ITPR1: variants seen among roughly 807,000 people sequenced by gnomAD.
ITPR1 encodes inositol 1,4,5-trisphosphate receptor type 1.
In ITPR1, 96 loss-of-function variants were observed where a neutral mutation model predicts 318.4. The ratio of observed to expected loss-of-function variants is 0.30; its 90% CI spans 0.26 to 0.36. The LOEUF (loss-of-function observed/expected upper bound fraction) is 0.36. ITPR1 is among the 10% of genes least tolerant of loss of function. The pLI, the probability that ITPR1 is intolerant of heterozygous loss-of-function variation, is 1.00. For missense variants in ITPR1, 2,440 were observed against 3,460.2 expected (o/e 0.71, Z 7.40); for synonymous variants, 1,312 against 1,289.9 (o/e 1.02, Z -0.37).
At chr3:4,649,031 T>G (rs1028483717) in intron 10 of ITPR1, among the ~76,000 whole-genome samples, 56 of 152,300 alleles carry the variant, frequency 3.7e-4, no homozygotes, top group Admixed American at 3.1e-3. Flanking sequence ...CCACAGAGTT[T>G]TTTACATTCA....
At chr3:4,646,750 G>T (rs1011755907) in intron 10 of ITPR1, among the ~76,000 whole-genome samples, 3 of 152,120 alleles carry the variant, frequency 2.0e-5, no homozygotes, top group Admixed American at 6.5e-5. Flanking sequence ...GGCAATGAGA[G>T]CTTCAACTAA....
chr3:4,731,989 C>T (rs978875032), intron 42 of ITPR1, among the ~76,000 whole-genome samples: 6 of 152,212 alleles, frequency 3.9e-5, no homozygotes, highest in African/African-American at 1.4e-4. Context: ...TCTCCCTCAC[C>T]TCTCTTCATG....
intron 61 of ITPR1, among the ~76,000 whole-genome samples, chr3:4,843,200 C>T (rs2051494678): frequency 1.3e-5 from 2 of 149,936 alleles, no homozygotes; most frequent in Non-Finnish European, 3.0e-5. Context: ...GTGATGTTGA[C>T]TTAAATGACA....
intron 4 of ITPR1, among the ~76,000 whole-genome samples, chr3:4,533,674 T>G (rs1001804597): frequency 2.6e-5 from 4 of 152,202 alleles, no homozygotes; most frequent in Non-Finnish European, 4.4e-5. Flanking sequence ...TACAAAGGAA[T>G]CCATAGCCAG....
chr3:4,534,214 C>T (rs900356265), intron 4 of ITPR1, among the ~76,000 whole-genome samples: 14 of 152,212 alleles, frequency 9.2e-5, no homozygotes, highest in African/African-American at 2.2e-4. Context: ...CCCATGGCCC[C>T]GGTAGTGAAC....
In ITPR1 at chr3:4,570,764, C is replaced by T. The variant is rs554172621; in HGVS notation, c.163+49670C>T. Among the ~76,000 whole-genome samples the T allele has an allele frequency of 5.1e-4, 78 of 152,286 alleles. 1 individual carries two copies. The highest frequency in any genetic ancestry group is 8.5e-4 in the Non-Finnish European group (58 of 68,026). On this transcript the variant is annotated intron_variant, in intron 4 of 61. Coordinates refer to ENST00000649015, the MANE Select transcript of ITPR1 (RefSeq NM_001378452.1). ...GCCATTTTGGGGAGCCAAGTTGTCCCCACGTATCAGTGGTGATAAATGGAT... is the reference window on the plus strand; with the variant it reads ...GCCATTTTGGGGAGCCAAGTTGTCCTCACGTATCAGTGGTGATAAATGGAT...
intron 47 of ITPR1, among the ~76,000 whole-genome samples, chr3:4,776,078 TTTTG>T (rs1395367943): frequency 6.6e-6 from 1 of 152,082 alleles, no homozygotes; most frequent in Non-Finnish European, 1.5e-5. Flanking sequence ...GAGTATGATG[TTTTG>T]TTTGTTTGTT....
intron 4 of ITPR1, among the ~76,000 whole-genome samples, chr3:4,621,526 C>G (rs1025874350): frequency 6.6e-6 from 1 of 152,170 alleles, no homozygotes; most frequent in South Asian, 2.1e-4. Context: ...GACACAGATC[C>G]AAACCATATC....
At chr3:4,739,497 G>A (rs2043542420) in intron 44 of ITPR1, among the ~76,000 whole-genome samples, 1 of 152,182 alleles carries the variant, frequency 6.6e-6, no homozygotes, top group Non-Finnish European at 1.5e-5. Flanking sequence ...TTCTGCATCT[G>A]TGGATTCAAC....
chr3:4,660,432 C>CT (rs200064524), intron 13 of ITPR1, among the ~76,000 whole-genome samples: 33 of 145,688 alleles, frequency 2.3e-4, no homozygotes, highest in Non-Finnish European at 4.1e-4. Context: ...TATGATGGTT[C>CT]TTTTTTTTTT....
At chr3:4,685,247 G>A (rs775045846) in intron 30 of ITPR1, 41 bp downstream of exon 30, 2 of 1,549,430 alleles carry the variant, frequency 1.3e-6, no homozygotes, top group South Asian at 2.4e-5. Flanking sequence ...CTCAGGATGG[G>A]GCGGATCCCT....
chr3:4,806,423 G>C (rs2048557896), intron 55 of ITPR1, among the ~76,000 whole-genome samples, 156 bp downstream of exon 55: 1 of 152,198 alleles, frequency 6.6e-6, no homozygotes, highest in African/African-American at 2.4e-5. Context: ...GGGGATCTGA[G>C]AGGAAAGCTC....
chr3:4,754,273 C>T (rs2044785041), intron 44 of ITPR1, among the ~76,000 whole-genome samples: 1 of 152,156 alleles, frequency 6.6e-6, no homozygotes, highest in Admixed American at 6.5e-5. Flanking sequence ...AGATTGCCAC[C>T]CCCATGGAGG....
chr3:4,715,151 A>G (rs2041675066), intron 39 of ITPR1, among the ~76,000 whole-genome samples: 1 of 152,194 alleles, frequency 6.6e-6, no homozygotes, highest in Non-Finnish European at 1.5e-5. Flanking sequence ...GTTAATTACA[A>G]GGCAACCTGG....
intron 10 of ITPR1, among the ~76,000 whole-genome samples, chr3:4,647,643 G>T: frequency 6.6e-6 from 1 of 152,162 alleles, no homozygotes; most frequent in Middle Eastern, 3.2e-3. Flanking sequence ...GTTCTAGTAG[G>T]TACATAGTGA....
chr3:4,726,029 T>A (rs1454517923), intron 41 of ITPR1, among the ~76,000 whole-genome samples: 1 of 152,198 alleles, frequency 6.6e-6, no homozygotes, highest in Non-Finnish European at 1.5e-5. Context: ...AATGCACTTT[T>A]AAAAATATTT....
intron 4 of ITPR1, among the ~76,000 whole-genome samples, chr3:4,558,402 A>G (rs1221800723): frequency 1.3e-5 from 2 of 152,240 alleles, no homozygotes; most frequent in Admixed American, 6.5e-5. Context: ...CAATCAATTT[A>G]TAGACAAATT....
intron 37 of ITPR1, among the ~76,000 whole-genome samples, chr3:4,709,655 T>C (rs1274102885): frequency 1.3e-5 from 2 of 152,240 alleles, no homozygotes. Context: ...TTGGTTTTGC[T>C]GCTCTTTCAA....
At position 4,669,716 on chromosome 3, in the gene ITPR1, A is replaced by G. The variant is rs926352878; in HGVS notation, c.1949A>G (p.Glu650Gly). The G allele has an allele frequency of 6.2e-7, 1 of 1,613,474 alleles. No individual in the cohort carries two copies. The highest frequency in any genetic ancestry group is 1.7e-5 in the Admixed American group (1 of 60,004). Residue 650 changes from glutamate (E) to glycine (G), a missense_variant, in exon 19 of 62, where the codon GAA becomes GGA. Coordinates refer to ENST00000649015, the MANE Select transcript of ITPR1 (RefSeq NM_001378452.1). ...SMNKSIPVTQ[E>G]LICKAVLNPT... ...AACAAATCAATTCCAGTGACCCAGG[A>G]ACTGATATGTAAAGCTGTGCTGAAC...
Sources: gnomAD v4.1 joint callset for allele counts (sites outside exome capture counted in the v4.1 genomes callset) on GRCh38, gnomAD v4.1.1 for gene constraint, MANE v1.5 for transcripts, NCBI Gene and HGNC (gene_info 2026-07-23, HGNC 2026-07-21) for gene names.